IGFL2: variants seen among roughly 807,000 people sequenced by gnomAD.
IGFL2 encodes insulin growth factor-like family member 2.
In IGFL2, 7 loss-of-function variants were observed where a neutral mutation model predicts 13.9. The observed-to-expected ratio is 0.51, with a 90% CI of 0.29 to 0.95. The LOEUF is 0.95. IGFL2 is among the 40% of genes least tolerant of loss of function. IGFL2 has a pLI of 0.08. For synonymous variants in IGFL2, 55 were observed against 55.8 expected, an observed-to-expected ratio of 0.99 and a Z score of 0.07; for missense variants, 138 against 147.8, an observed-to-expected ratio of 0.93 and a Z score of 0.34.
rs1974116809 is a variant in IGFL2 at position 46,160,709 on chromosome 19, A to T, written c.169A>T (p.Ile57Phe). The change falls in exon 3 of 4, where the codon ATC becomes TTC. Residue 57 changes from isoleucine (I) to phenylalanine (F), a missense_variant. Coordinates refer to ENST00000377693, the MANE Select transcript of IGFL2 (RefSeq NM_001135113.2). ...PLEQCCYNDA[I>F]VSLSETRQCG... ...GGAGCAGTGCTGTTACAATGACGCCATCGTGTCCCTGAGCGAGACCCGCCA... is the reference window on the plus strand; with the variant it reads ...GGAGCAGTGCTGTTACAATGACGCCTTCGTGTCCCTGAGCGAGACCCGCCA... 6.2e-7 allele frequency: 1 copy of T among 1,613,968 alleles called. No individual in the cohort carries two copies. The highest frequency in any genetic ancestry group is 1.1e-5 in the South Asian group (1 of 91,072).
At chr19:46,182,231 G>A in the IGFL2 span, among the ~76,000 whole-genome samples, 1 of 151,966 alleles carries the variant, frequency 6.6e-6, no homozygotes, top group South Asian at 2.1e-4. Context: ...GCCGGGCTTG[G>A]TGGTGCATGC....
upstream of IGFL2, among the ~76,000 whole-genome samples, chr19:46,143,957 A>T (rs1408681321): frequency 2.0e-5 from 3 of 152,164 alleles, no homozygotes; most frequent in Non-Finnish European, 4.4e-5. Flanking sequence ...GCCTTAGGGG[A>T]TTCTTCCAGT....
At chr19:46,192,752 T>G in the IGFL2 span, among the ~76,000 whole-genome samples, 5,296 of 152,276 alleles carry the variant, frequency 0.035, 147 homozygotes, top group Non-Finnish European at 0.054. Context: ...ATTTGAAGTA[T>G]TTTTGAAGAA....
the IGFL2 span, among the ~76,000 whole-genome samples, chr19:46,129,559 A>T: frequency 3.9e-5 from 6 of 152,022 alleles, no homozygotes; most frequent in East Asian, 1.2e-3. Flanking sequence ...GGTATATTGT[A>T]TCTTTGTTCT....
the IGFL2 span, among the ~76,000 whole-genome samples, chr19:46,136,370 G>A: frequency 1.8e-4 from 27 of 152,050 alleles, no homozygotes; most frequent in Non-Finnish European, 3.4e-4. Flanking sequence ...CTATTAAATA[G>A]GCAGAATGTG....
chr19:46,214,131 G>C, the IGFL2 span: 1 of 152,370 alleles, frequency 6.6e-6, no homozygotes, highest in Admixed American at 6.6e-5. Context: ...CCCCCAACGC[G>C]AGGTATTGAC....
the IGFL2 span, among the ~76,000 whole-genome samples, chr19:46,127,378 GAA>G: frequency 5.3e-5 from 8 of 152,138 alleles, no homozygotes; most frequent in Admixed American, 4.6e-4. Flanking sequence ...AGGAAGGAGA[GAA>G]AGAGAATAAG....
the IGFL2 span, among the ~76,000 whole-genome samples, chr19:46,091,499 G>C: frequency 6.6e-6 from 1 of 152,114 alleles, no homozygotes; most frequent in Admixed American, 6.5e-5. Context: ...AGACACTTGT[G>C]TTTTCCATGT....
At chr19:46,083,907 T>C in the IGFL2 span, among the ~76,000 whole-genome samples, 2,050 of 152,324 alleles carry the variant, frequency 0.013, 32 homozygotes, top group Middle Eastern at 0.027. Context: ...TGCTACCAGT[T>C]TTGTGCAATG....
At chr19:46,097,952 TG>T in the IGFL2 span, among the ~76,000 whole-genome samples, 1 of 152,234 alleles carries the variant, frequency 6.6e-6, no homozygotes, top group Non-Finnish European at 1.5e-5. Context: ...GTAAGTGCCA[TG>T]TGGCACTGAG....
chr19:46,124,683 A>T, the IGFL2 span: 1 of 1,597,534 alleles, frequency 6.3e-7, no homozygotes, highest in South Asian at 1.1e-5. Flanking sequence ...ATTGAAGAAG[A>T]GTGGTAAAAG....
At chr19:46,209,718 G>A in the IGFL2 span, 1 of 152,252 alleles carries the variant, frequency 6.6e-6, no homozygotes, top group East Asian at 1.9e-4. Context: ...TTATTTCAGA[G>A]GAAACCTCTC....
At chr19:46,105,129 C>T in the IGFL2 span, among the ~76,000 whole-genome samples, 1 of 152,126 alleles carries the variant, frequency 6.6e-6, no homozygotes, top group Non-Finnish European at 1.5e-5. Flanking sequence ...GGAAGTAAAG[C>T]GGCCTTGAGA....
the IGFL2 span, among the ~76,000 whole-genome samples, chr19:46,110,565 A>T: frequency 2.0e-5 from 3 of 152,266 alleles, no homozygotes; most frequent in Non-Finnish European, 1.5e-5. Context: ...TGTAGAGTTT[A>T]CTTAATGGAC....
the IGFL2 span, among the ~76,000 whole-genome samples, chr19:46,184,590 C>G: frequency 3.3e-5 from 5 of 151,894 alleles, no homozygotes; most frequent in Non-Finnish European, 7.4e-5. Flanking sequence ...CCTGCAAAGC[C>G]TTTTTTTATG....
At chr19:46,201,129 C>T in the IGFL2 span, among the ~76,000 whole-genome samples, 1 of 152,196 alleles carries the variant, frequency 6.6e-6, no homozygotes, top group Non-Finnish European at 1.5e-5. Flanking sequence ...TGTCCCCTCT[C>T]CACAAGGGAG....
the IGFL2 span, chr19:46,120,502 T>C: frequency 8.2e-7 from 1 of 1,221,986 alleles, no homozygotes; most frequent in African/African-American, 1.6e-5. Flanking sequence ...AAGGACACAG[T>C]CACCATGAAA....
At chr19:46,187,226 C>T in the IGFL2 span, among the ~76,000 whole-genome samples, 656 of 149,080 alleles carry the variant, frequency 4.4e-3, 6 homozygotes, top group African/African-American at 0.014. Flanking sequence ...GAGCATTAAC[C>T]CGTTTAAACC....
At chr19:46,210,856 C>G in the IGFL2 span, among the ~76,000 whole-genome samples, 10 of 152,178 alleles carry the variant, frequency 6.6e-5, no homozygotes, top group African/African-American at 1.9e-4. Context: ...CTAACCATCA[C>G]AGAGGGTGTG....
Sources: allele counts gnomAD v4.1 joint callset (sites outside exome capture counted in the v4.1 genomes callset), GRCh38; gene constraint gnomAD v4.1.1; transcripts MANE v1.5; gene names NCBI Gene and HGNC (gene_info 2026-07-23, HGNC 2026-07-21).